The following SOD2 variants were observed in gnomAD, a reference collection of about 807,000 sequenced individuals.
The protein encoded by SOD2 is superoxide dismutase 2.
A neutral mutation model predicts 27.0 loss-of-function variants in SOD2; 11 were observed. The observed-to-expected ratio is 0.41, with a 90% CI of 0.26 to 0.67. The LOEUF (loss-of-function observed/expected upper bound fraction) is 0.67. Among genes scored for constraint, SOD2 ranks in the 30% least tolerant of loss-of-function variants. The pLI, the probability that SOD2 is intolerant of heterozygous loss-of-function variation, is 0.34. For synonymous variants in SOD2, 105 were observed against 103.0 expected (o/e 1.02, Z -0.12); for missense variants, 250 against 274.5 (o/e 0.91, Z 0.63).
rs74540300 is a variant in SOD2, at chr6:159,700,318, T to A, written c.-115-7455A>T. ...TGTGGTGATGCAGTAGCTCCAGTAA[T>A]TTTCTGGTTCTTCATCTGAATTCAT... On this transcript the variant is annotated intron_variant, in intron 1 of 2. Transcript: ENST00000401980. 8.0e-3 allele frequency among the ~76,000 whole-genome samples: 1,216 copies of A among 152,294 alleles called. 4 individuals carry two copies. Among genetic ancestry groups the A allele is most frequent in the Non-Finnish European group, 0.012 (806 of 68,020 alleles).
At chr6:159,744,531 T>TG (rs1554264517) in intron 1 of SOD2, among the ~76,000 whole-genome samples, 1 of 152,034 alleles carries the variant, frequency 6.6e-6, no homozygotes. Flanking sequence ...ACAGTCCTGT[T>TG]CTGTTTCTTT....
Position 159,680,294 on chromosome 6 carries a change from G to C in SOD2, c.*2199C>G, listed in dbSNP as rs1013150164. 1.3e-5 allele frequency: 2 copies of C among 152,114 alleles called. No homozygotes were observed. The highest frequency in any genetic ancestry group is 2.9e-5 in the Non-Finnish European group (2 of 68,042). The allele number at this position is 152,114 out of a possible 1,614,324, so 9.4% of individuals were successfully genotyped here. ...TTAAACAGTCACGACCTTCCTTAGA[G>C]AGGCAAGCAGTAATCTTACATGACA... is the stretch of plus-strand genomic sequence containing the variant. On this transcript the variant is annotated 3_prime_UTR_variant, in exon 5 of 5. Coordinates refer to ENST00000538183, the MANE Select transcript of SOD2 (RefSeq NM_000636.4).
At chr6:159,749,419 A>G (rs1233565952), upstream of SOD2, 1 of 970,818 alleles carries the variant, frequency 1.0e-6, no homozygotes, top group East Asian at 1.1e-4. Flanking sequence ...GTGCCTTGAA[A>G]TAGTTGGTTT....
intron 1 of SOD2, among the ~76,000 whole-genome samples, chr6:159,710,356 G>A (rs960244664): frequency 1.3e-5 from 2 of 151,554 alleles, no homozygotes; most frequent in Non-Finnish European, 2.9e-5. Flanking sequence ...GGCTGAGGCA[G>A]GAGAAATCAC....
Position 159,672,121 on chromosome 6 carries a change from G to A in SOD2, c.*10372C>T, listed in dbSNP as rs1395710852. The A allele has an allele frequency of 6.6e-6, 1 of 152,228 alleles. No individual in the cohort carries two copies. The highest frequency in any genetic ancestry group is 2.4e-5 in the African/African-American group (1 of 41,462). 9.4% of individuals were successfully genotyped at this position (152,228 alleles called of 1,614,324 possible). On this transcript the variant is annotated 3_prime_UTR_variant, in exon 5 of 5. Transcript: ENST00000538183. ...AAGACCAAATCTACGTCTGATTGGT[G>A]TACCTGAAAGTGACGGGGAGAATGG...
At chr6:159,731,403 G>A (rs190503285), upstream of SOD2, among the ~76,000 whole-genome samples, 75 of 152,218 alleles carry the variant, frequency 4.9e-4, no homozygotes, top group African/African-American at 1.7e-3. Context: ...AAGAGATGGA[G>A]GCTGCAGTGA....
intron 1 of SOD2, among the ~76,000 whole-genome samples, chr6:159,710,035 C>T (rs1171271346): frequency 7.0e-6 from 1 of 143,068 alleles, no homozygotes; most frequent in East Asian, 2.0e-4. Flanking sequence ...CCAAACACCA[C>T]ATGTTCTCAC....
chr6:159,673,896 T>C lies in SOD2; in HGVS notation c.*8597A>G, dbSNP rs548578927. ...AGAGAGAAGAATCAAATAAATGCAA[T>C]AAAAAATGATAAAGTGGATATCACC... On this transcript the variant is annotated 3_prime_UTR_variant, in exon 5 of 5. Transcript: ENST00000538183. 3.3e-5 allele frequency: 5 copies of C among 152,048 alleles called. No individual in the cohort carries two copies. Among genetic ancestry groups the C allele is most frequent in the African/African-American group, 4.8e-5 (2 of 41,450 alleles). The allele number at this position is 152,048 out of a possible 1,614,324, so 9.4% of individuals were successfully genotyped here. A position where few individuals can be genotyped will look rare whatever the true frequency, so the allele number is the denominator to read the frequency against.
intron 1 of SOD2, among the ~76,000 whole-genome samples, chr6:159,744,503 C>G (rs1344528605): frequency 6.9e-6 from 1 of 144,346 alleles, no homozygotes; most frequent in African/African-American, 2.6e-5. Context: ...TCATTGGAGA[C>G]ACCAAAAATC....
intron 1 of SOD2, among the ~76,000 whole-genome samples, chr6:159,759,597 G>T (rs563946518): frequency 5.9e-5 from 9 of 151,326 alleles, no homozygotes; most frequent in Admixed American, 5.9e-4. Flanking sequence ...TTGAACCCGG[G>T]AGGTGGAGGT....
At chr6:159,713,338 A>G in intron 1 of SOD2, 2 of 657,178 alleles carry the variant, frequency 3.0e-6, no homozygotes, top group Non-Finnish European at 5.5e-6. Context: ...TGCCAATGCT[A>G]TTACACCTCA....
chr6:159,755,782 T>G (rs1779991044), intron 1 of SOD2: 1 of 1,046,630 alleles, frequency 9.6e-7, no homozygotes, highest in African/African-American at 1.7e-5. Flanking sequence ...TTTTTTTTTT[T>G]TTTTTTTTGC....
intron 1 of SOD2, among the ~76,000 whole-genome samples, chr6:159,706,898 C>G (rs1485346558): frequency 3.9e-5 from 6 of 152,144 alleles, no homozygotes; most frequent in Non-Finnish European, 8.8e-5. Flanking sequence ...TGTAAAAGAA[C>G]AGAAATTATA....
At chr6:159,682,763 GT>G (rs749764999) in intron 4 of SOD2, 125 bp from the exon 5 acceptor site, 5 of 835,892 alleles carry the variant, frequency 6.0e-6, no homozygotes, top group African/African-American at 1.8e-5. Flanking sequence ...TCATTCACTT[GT>G]TTTTTTATAT....
At chr6:159,691,715 C>T (rs995665245) in intron 2 of SOD2, 8 of 129,574 alleles carry the variant, frequency 6.2e-5, no homozygotes, top group South Asian at 2.9e-4. Context: ...TTTTATCAAC[C>T]GAGCTCTTGA....
In SOD2 at chr6:159,675,982, G is replaced by C. The variant is rs1779770870; in HGVS notation, c.*6511C>G. 6.6e-6 allele frequency: 1 copy of C among 152,046 alleles called. No homozygotes were observed. The highest frequency in any genetic ancestry group is 6.6e-5 in the Admixed American group (1 of 15,250). 9.4% of individuals were successfully genotyped at this position (152,046 alleles called of 1,614,324 possible). A position where few individuals can be genotyped will look rare whatever the true frequency, so the allele number is the denominator to read the frequency against. ...AAAGAAGACATCCATGCATCCAACA[G>C]ACACATGAAAAAAATGCTCATCATC... On this transcript the variant is annotated 3_prime_UTR_variant, in exon 5 of 5. Coordinates refer to ENST00000538183, the MANE Select transcript of SOD2 (RefSeq NM_000636.4).
chr6:159,743,910 C>A, intron 1 of SOD2: 1 of 1,111,912 alleles, frequency 9.0e-7, no homozygotes, highest in Non-Finnish European at 1.2e-6. Context: ...TTTATAGGTA[C>A]GTATGCTTTG....
chr6:159,753,275 C>T (rs899235339), intron 1 of SOD2: 3 of 813,832 alleles, frequency 3.7e-6, no homozygotes, highest in Non-Finnish European at 5.6e-6. Flanking sequence ...ATTTTTACTG[C>T]TGTGTTGGCA....
chr6:159,682,455 C>G lies in SOD2; in HGVS notation c.*38G>C. 6.3e-7 allele frequency: 1 copy of G among 1,595,470 alleles called. No individual in the cohort carries two copies. Among genetic ancestry groups the G allele is most frequent in the Non-Finnish European group, 8.5e-7 (1 of 1,170,364 alleles). On this transcript the variant is annotated 3_prime_UTR_variant, in exon 5 of 5. Transcript: ENST00000538183. ...TACTCTATACCACTACAAAAACAGT[C>G]ATAAAGAGCTTAACATACTCAGCAT... is the stretch of plus-strand genomic sequence containing the variant.
Sources: allele counts gnomAD v4.1 joint callset (sites outside exome capture counted in the v4.1 genomes callset), GRCh38; gene constraint gnomAD v4.1.1; transcripts MANE v1.5; gene names NCBI Gene and HGNC (gene_info 2026-07-23, HGNC 2026-07-21).